Variants in TMTC2 observed in about 807,000 individuals in gnomAD.
TMTC2 encodes protein O-mannosyl-transferase TMTC2.
A neutral mutation model predicts 82.4 loss-of-function variants in TMTC2; 43 were observed. The ratio of observed to expected loss-of-function variants is 0.52; its 90% CI spans 0.41 to 0.67. TMTC2 has a LOEUF of 0.67. Ranked by LOEUF, TMTC2 falls within the 30% of genes least tolerant of loss-of-function variation. TMTC2 has a pLI of 0.00. For missense variants in TMTC2, 919 were observed against 1,012.4 expected (o/e 0.91, Z 1.25); for synonymous variants, 408 against 381.9 (o/e 1.07, Z -0.80).
At chr12:83,002,746 G>T (rs550990501) in intron 8 of TMTC2, among the ~76,000 whole-genome samples, 1 of 150,784 alleles carries the variant, frequency 6.6e-6, no homozygotes, top group South Asian at 2.1e-4. Context: ...TATTTTTATT[G>T]CACTGTGGTC....
At chr12:83,113,527 A>C (rs952891438) in intron 11 of TMTC2, among the ~76,000 whole-genome samples, 76 of 152,242 alleles carry the variant, frequency 5.0e-4, no homozygotes, top group African/African-American at 1.8e-3. Context: ...TTCTACCATT[A>C]ATACTATATT....
At chr12:82,697,334 C>CAAA (rs367770708) in intron 1 of TMTC2, among the ~76,000 whole-genome samples, 73 of 61,526 alleles carry the variant, frequency 1.2e-3, no homozygotes, top group African/African-American at 1.9e-3. Flanking sequence ...CAGCCTGTCT[C>CAAA]AAAAAAAAAA....
intron 3 of TMTC2, among the ~76,000 whole-genome samples, chr12:82,908,498 A>G (rs1874441195): frequency 6.6e-6 from 1 of 152,052 alleles, no homozygotes; most frequent in Non-Finnish European, 1.5e-5. Context: ...AGATTTTCTA[A>G]TGTTGAACCT....
At chr12:83,077,880 C>CTTTTTTTT (rs751044763) in intron 11 of TMTC2, among the ~76,000 whole-genome samples, 3 of 92,960 alleles carry the variant, frequency 3.2e-5, no homozygotes, top group African/African-American at 4.4e-5. Flanking sequence ...GACAATCTGT[C>CTTTTTTTT]TTTTTTTTTT....
At chr12:82,832,042 T>C (rs1478940828) in intron 1 of TMTC2, among the ~76,000 whole-genome samples, 1 of 152,220 alleles carries the variant, frequency 6.6e-6, no homozygotes, top group Non-Finnish European at 1.5e-5. Context: ...AAGTGGGTTA[T>C]ACAGAACGTT....
chr12:82,718,315 A>G (rs1268332357), intron 1 of TMTC2, among the ~76,000 whole-genome samples: 1 of 152,264 alleles, frequency 6.6e-6, no homozygotes, highest in Non-Finnish European at 1.5e-5. Context: ...GGAAGTTGCA[A>G]AACTAAGCAA....
At chr12:82,799,461 G>C (rs2137033792) in intron 1 of TMTC2, among the ~76,000 whole-genome samples, 1 of 152,254 alleles carries the variant, frequency 6.6e-6, no homozygotes, top group East Asian at 1.9e-4. Context: ...TTCAGATAGG[G>C]GGTACGAGTT....
rs1346513765 is a variant in TMTC2 at position 82,809,754 on chromosome 12, T to A, written c.84-47256T>A. ...GAGCACAGTAGTTTTGGGACTAGAG[T>A]GTGAATGTGAGTTGGGATTCATATC... is the stretch of plus-strand genomic sequence containing the variant. On this transcript the variant is annotated intron_variant, in intron 1 of 11. Coordinates refer to ENST00000321196, the MANE Select transcript of TMTC2 (RefSeq NM_152588.3). Among the ~76,000 whole-genome samples, 3 of 152,096 alleles carry A rather than the reference T, an allele frequency of 2.0e-5. No individual in the cohort carries two copies. The East Asian group carries it at 5.8e-4, about 29-fold the overall frequency.
chr12:82,933,166 G>A (rs1384167828), intron 4 of TMTC2, among the ~76,000 whole-genome samples: 4 of 152,130 alleles, frequency 2.6e-5, no homozygotes. Flanking sequence ...ACCCTAAACG[G>A]AGAAGCTTAA....
At chr12:82,911,264 G>A (rs968818282) in intron 3 of TMTC2, among the ~76,000 whole-genome samples, 4 of 152,242 alleles carry the variant, frequency 2.6e-5, no homozygotes, top group Admixed American at 1.3e-4. Flanking sequence ...CAGGAAGGCA[G>A]GAGTGCCTGT....
chr12:82,986,099 G>A (rs199744442), intron 8 of TMTC2, 53 bp downstream of exon 8: 138 of 1,611,794 alleles, frequency 8.6e-5, no homozygotes, highest in Non-Finnish European at 1.1e-4. Flanking sequence ...CATGCAGACC[G>A]GGATAGATGG....
At chr12:83,083,733 A>G (rs1219380893) in intron 11 of TMTC2, among the ~76,000 whole-genome samples, 1 of 152,178 alleles carries the variant, frequency 6.6e-6, no homozygotes, top group African/African-American at 2.4e-5. Flanking sequence ...AAACATGTTA[A>G]AATTACATCC....
intron 1 of TMTC2, among the ~76,000 whole-genome samples, chr12:82,815,291 T>A (rs1442194224): frequency 3.3e-5 from 5 of 150,692 alleles, no homozygotes; most frequent in African/African-American, 7.3e-5. Context: ...GCATTTATTT[T>A]TTTTAATTAA....
chr12:82,744,552 T>C (rs1592894609), intron 1 of TMTC2, among the ~76,000 whole-genome samples: 1 of 114,934 alleles, frequency 8.7e-6, no homozygotes, highest in Admixed American at 1.3e-4. Flanking sequence ...ACCACTGCAC[T>C]CCAGCCTGGG....
chr12:83,069,242 T>C (rs1363497938), intron 11 of TMTC2, among the ~76,000 whole-genome samples: 2 of 152,200 alleles, frequency 1.3e-5, no homozygotes, highest in African/African-American at 2.4e-5. Context: ...AAATGGTAGT[T>C]CTACTTTTAG....
At chr12:82,709,589 C>A (rs1427646903) in intron 1 of TMTC2, among the ~76,000 whole-genome samples, 1 of 151,972 alleles carries the variant, frequency 6.6e-6, no homozygotes, top group Non-Finnish European at 1.5e-5. Context: ...ATTAAAAATT[C>A]TTAAATCAGA....
At chr12:82,916,135 T>C (rs2137218949) in intron 3 of TMTC2, among the ~76,000 whole-genome samples, 1 of 152,342 alleles carries the variant, frequency 6.6e-6, no homozygotes, top group Non-Finnish European at 1.5e-5. Context: ...TAAAAAGCCT[T>C]TACTGAATTG....
At chr12:82,828,534 G>A (rs2137073330) in intron 1 of TMTC2, among the ~76,000 whole-genome samples, 1 of 152,158 alleles carries the variant, frequency 6.6e-6, no homozygotes, top group East Asian at 1.9e-4. Context: ...AGTTCTGTAT[G>A]GCCTTCATAT....
chr12:82,871,944 A>G (rs1023668855), intron 2 of TMTC2, among the ~76,000 whole-genome samples: 1 of 151,574 alleles, frequency 6.6e-6, no homozygotes, highest in Non-Finnish European at 1.5e-5. Context: ...TGTGGTAACC[A>G]TTCTCCAGAT....
Sources: allele counts gnomAD v4.1 joint callset (sites outside exome capture counted in the v4.1 genomes callset), GRCh38; gene constraint gnomAD v4.1.1; transcripts MANE v1.5; gene names NCBI Gene and HGNC (gene_info 2026-07-23, HGNC 2026-07-21).